FSTL4: variants seen among roughly 807,000 people sequenced by gnomAD.
The protein encoded by FSTL4 is follistatin like 4, also known as follistatin-related protein 4.
Under a neutral mutation model 78.2 loss-of-function variants are expected in FSTL4, and 28 were observed. That is an observed-to-expected ratio of 0.36 (90% CI 0.27 to 0.49). The LOEUF is 0.49. Among genes scored for constraint, FSTL4 ranks in the 20% least tolerant of loss-of-function variants. The probability of loss-of-function intolerance (pLI) is 0.98; values close to 1 mark genes in which losing one functional copy is unlikely to be tolerated. For missense variants in FSTL4, 922 were observed against 1,084.9 expected (o/e 0.85, Z 2.11); for synonymous variants, 422 against 440.5 (o/e 0.96, Z 0.53).
chr5:133,616,451 G>A (rs1398140006), upstream of FSTL4, among the ~76,000 whole-genome samples: 2 of 151,866 alleles, frequency 1.3e-5, no homozygotes, highest in African/African-American at 4.8e-5. Flanking sequence ...ACCCAGGCTG[G>A]AGTCCAGTGG....
At chr5:133,632,216 C>G in the FSTL4 span, among the ~76,000 whole-genome samples, 1 of 152,008 alleles carries the variant, frequency 6.6e-6, no homozygotes, top group African/African-American at 2.4e-5. Flanking sequence ...TTCACCAGTT[C>G]AAGTAAAGTA....
the FSTL4 span, among the ~76,000 whole-genome samples, chr5:133,837,469 G>T: frequency 6.6e-6 from 1 of 152,066 alleles, no homozygotes; most frequent in Non-Finnish European, 1.5e-5. Context: ...TTCTTTACTG[G>T]ATTCCAGATA....
At chr5:133,696,430 C>T in the FSTL4 span, among the ~76,000 whole-genome samples, 2 of 152,224 alleles carry the variant, frequency 1.3e-5, no homozygotes, top group African/African-American at 4.8e-5. Context: ...TGCCTCTGCT[C>T]ATGTTCACCC....
At chr5:133,819,350 G>A in the FSTL4 span, among the ~76,000 whole-genome samples, 2 of 151,980 alleles carry the variant, frequency 1.3e-5, no homozygotes, top group Admixed American at 6.6e-5. Flanking sequence ...AGGAATGCCC[G>A]GACCACCAAG....
intron 4 of FSTL4, among the ~76,000 whole-genome samples, chr5:133,345,323 C>T (rs1754673338): frequency 6.6e-6 from 1 of 152,100 alleles, no homozygotes; most frequent in Non-Finnish European, 1.5e-5. Context: ...TGGATATTAG[C>T]CCTTTGTCAG....
chr5:133,840,825 C>T, the FSTL4 span, among the ~76,000 whole-genome samples: 1 of 152,288 alleles, frequency 6.6e-6, no homozygotes, highest in South Asian at 2.1e-4. Context: ...GCAGGGGGAC[C>T]CCTCTCCAGG....
the FSTL4 span, among the ~76,000 whole-genome samples, chr5:133,755,676 C>T: frequency 2.6e-5 from 4 of 152,214 alleles, no homozygotes; most frequent in Non-Finnish European, 4.4e-5. Flanking sequence ...GCACCCTTCT[C>T]CATGTAGATC....
the FSTL4 span, among the ~76,000 whole-genome samples, chr5:133,701,509 A>ACACACACACACACACACACACACACACC: frequency 7.5e-6 from 1 of 132,624 alleles, no homozygotes; most frequent in East Asian, 2.2e-4. Context: ...ACACACACAC[A>ACACACACACACACACACACACACACACC]CCCCACAGGC....
At chr5:133,544,708 T>C (rs1380934042) in intron 3 of FSTL4, among the ~76,000 whole-genome samples, 3 of 152,324 alleles carry the variant, frequency 2.0e-5, no homozygotes, top group Non-Finnish European at 2.9e-5. Flanking sequence ...GAGACTGGAA[T>C]TGAGCTCAGG....
At chr5:133,393,001 G>A (rs1755891080) in intron 4 of FSTL4, among the ~76,000 whole-genome samples, 1 of 152,210 alleles carries the variant, frequency 6.6e-6, no homozygotes, top group Non-Finnish European at 1.5e-5. Flanking sequence ...CTCACACCAA[G>A]ACAGTTCCTT....
At chr5:133,262,493 C>G (rs1752555576) in intron 6 of FSTL4, among the ~76,000 whole-genome samples, 1 of 152,176 alleles carries the variant, frequency 6.6e-6, no homozygotes, top group Non-Finnish European at 1.5e-5. Flanking sequence ...TGCGCCAGGA[C>G]CACCTTCCTA....
chr5:133,689,027 G>A, the FSTL4 span, among the ~76,000 whole-genome samples: 1 of 151,690 alleles, frequency 6.6e-6, no homozygotes, highest in Non-Finnish European at 1.5e-5. Flanking sequence ...AGACTCTGGT[G>A]TCATTGCTTG....
chr5:133,223,424 G>A (rs1299084914), intron 11 of FSTL4, among the ~76,000 whole-genome samples: 1 of 152,198 alleles, frequency 6.6e-6, no homozygotes, highest in East Asian at 1.9e-4. Context: ...GGGAGATTTT[G>A]TGCTTAACCC....
the FSTL4 span, among the ~76,000 whole-genome samples, chr5:133,676,362 T>C: frequency 6.6e-6 from 1 of 152,330 alleles, no homozygotes; most frequent in South Asian, 2.1e-4. Flanking sequence ...CTCATAACAA[T>C]ACCTTTTGTT....
chr5:133,647,486 T>C, the FSTL4 span, among the ~76,000 whole-genome samples: 1 of 152,176 alleles, frequency 6.6e-6, no homozygotes, highest in Admixed American at 6.6e-5. Flanking sequence ...GCACAGGGCC[T>C]ACCAGCAAAC....
intron 7 of FSTL4, chr5:133,248,406 A>C (rs1455428759): frequency 6.6e-6 from 1 of 152,204 alleles, no homozygotes; most frequent in African/African-American, 2.4e-5. Context: ...TCTCTTCTGC[A>C]TGAAAATTAT....
chr5:133,324,896 A>C (rs1561672726), intron 4 of FSTL4, among the ~76,000 whole-genome samples: 1 of 152,226 alleles, frequency 6.6e-6, no homozygotes, highest in Non-Finnish European at 1.5e-5. Context: ...ACATGTGGCC[A>C]TGCTCACTGA....
At chr5:133,773,943 T>G in the FSTL4 span, among the ~76,000 whole-genome samples, 1 of 152,146 alleles carries the variant, frequency 6.6e-6, no homozygotes, top group Non-Finnish European at 1.5e-5. Context: ...AAATTATCAC[T>G]GGTCATGGCA....
At chr5:133,603,272 A>T (rs1760908524) in intron 2 of FSTL4, among the ~76,000 whole-genome samples, 1 of 152,196 alleles carries the variant, frequency 6.6e-6, no homozygotes, top group African/African-American at 2.4e-5. Context: ...TCACTAAGCA[A>T]TTAGCAGAAC....
Sources: allele counts gnomAD v4.1 joint callset (sites outside exome capture counted in the v4.1 genomes callset), GRCh38; gene constraint gnomAD v4.1.1; transcripts MANE v1.5; gene names NCBI Gene and HGNC (gene_info 2026-07-23, HGNC 2026-07-21).